Variants in SERPINF2 observed in about 807,000 individuals in gnomAD.
The protein encoded by SERPINF2 is alpha-2-antiplasmin.
SERPINF2 carries 15 observed loss-of-function variants against 45.0 expected under a neutral mutation model. The ratio of observed to expected loss-of-function variants is 0.33; its 90% CI spans 0.22 to 0.51. SERPINF2 has a LOEUF of 0.51. Among genes scored for constraint, SERPINF2 ranks in the 20% least tolerant of loss-of-function variants. The pLI, the probability that SERPINF2 is intolerant of heterozygous loss-of-function variation, is 0.97. For missense variants in SERPINF2, 518 were observed against 637.4 expected (o/e 0.81, Z 2.02); for synonymous variants, 283 against 277.9 (o/e 1.02, Z -0.18).
Position 1,747,006 on chromosome 17 carries a change from C to T in SERPINF2, c.368-13C>T, listed in dbSNP as rs537878287. 5.1e-5 allele frequency: 82 copies of T among 1,592,706 alleles called. No homozygotes were observed. The highest frequency in any genetic ancestry group is 4.4e-4 in the African/African-American group (33 of 74,914). ...ACCCGCAGCCGGGCCTCAGCCTGTG[C>T]GGTGCCCTCCAGGTGCTCAGAACCA... On this transcript the variant is annotated splice_polypyrimidine_tract_variant and intron_variant, in intron 5 of 9. Transcript: ENST00000453066.
At chr17:1,750,811 G>C (rs1906323043) in intron 8 of SERPINF2, among the ~76,000 whole-genome samples, 1 of 152,136 alleles carries the variant, frequency 6.6e-6, no homozygotes, top group Admixed American at 6.6e-5. Flanking sequence ...GGGGGCTGTG[G>C]GTGAGGCTGG....
intron 5 of SERPINF2, among the ~76,000 whole-genome samples, chr17:1,746,142 ACT>A (rs1326260043): frequency 6.6e-6 from 1 of 151,850 alleles, no homozygotes; most frequent in Non-Finnish European, 1.5e-5. Flanking sequence ...ACATGGTGAA[ACT>A]CTCTCTACTA....
intron 7 of SERPINF2, 74 bp from the exon 8 acceptor site, chr17:1,748,524 C>T (rs1359035401): frequency 4.4e-6 from 7 of 1,584,860 alleles, no homozygotes; most frequent in South Asian, 4.4e-5. Context: ...AGCTGGTCCC[C>T]ATCGACGTGA....
chr17:1,748,818 C>T, intron 8 of SERPINF2, 78 bp downstream of exon 8: 2 of 831,266 alleles, frequency 2.4e-6, no homozygotes, highest in Non-Finnish European at 4.2e-6. Flanking sequence ...GGAGCAGGCA[C>T]AGGGATGGGT....
chr17:1,752,320 T>C (rs2151196280), intron 8 of SERPINF2, among the ~76,000 whole-genome samples: 1 of 152,220 alleles, frequency 6.6e-6, no homozygotes, highest in South Asian at 2.1e-4. Context: ...CCTCCCAAAG[T>C]GCTAGGATTA....
Position 1,754,465 on chromosome 17 carries a change from T to G in SERPINF2, c.1407T>G (p.Leu469=), listed in dbSNP as rs775128832. ...AAGGCTTCCCCCGCGGAGACAAGCT[T>G]TTCGGCCCTGACTTAAAACTTGTGC... ...SLKGFPRGDK[L]FGPDLKLVPP... Residue 469 remains leucine (L), a synonymous_variant, in exon 10 of 10, where the codon CTT becomes CTG. Transcript: ENST00000453066. The G allele has an allele frequency of 2.1e-5, 34 of 1,608,004 alleles. 1 individual carries two copies. The Middle Eastern group carries it at 5.5e-3, about 259-fold the overall frequency.
At position 1,747,216 on chromosome 17, in the gene SERPINF2, G is replaced by A. The variant is rs1004414425; in HGVS notation, c.511+54G>A. The A allele has an allele frequency of 6.8e-6, 11 of 1,610,556 alleles. No homozygotes were observed. In the African/African-American group the frequency reaches 1.5e-4, roughly 21 times the overall value. On this transcript the variant is annotated intron_variant, in intron 6 of 9. Coordinates refer to ENST00000453066, the MANE Select transcript of SERPINF2 (RefSeq NM_000934.4). ...AGTCCTGCCCTGGGTGGAGGAGGGT[G>A]AGAGCAAGGGGCTGGGCCTCTGGTA... is the stretch of plus-strand genomic sequence containing the variant.
At position 1,754,565 on chromosome 17, in the gene SERPINF2, G is replaced by A. The variant is rs1906691411; in HGVS notation, c.*31G>A. On this transcript the variant is annotated 3_prime_UTR_variant, in exon 10 of 10. Coordinates refer to ENST00000453066, the MANE Select transcript of SERPINF2 (RefSeq NM_000934.4). Reference sequence around the variant, plus strand: ...CGTGGCTGTGGCATCCAGAGTCCCTGCCTGGACCAGCCTCTCCACTCATGT... The same window carrying A: ...CGTGGCTGTGGCATCCAGAGTCCCTACCTGGACCAGCCTCTCCACTCATGT... 1 of 1,594,438 alleles carries A rather than the reference G, an allele frequency of 6.3e-7. No individual in the cohort carries two copies. Among genetic ancestry groups the A allele is most frequent in the Non-Finnish European group, 8.5e-7 (1 of 1,176,698 alleles).
Position 1,745,431 on chromosome 17 carries a change from G to C in SERPINF2, c.165+36G>C, listed in dbSNP as rs747935258. On this transcript the variant is annotated intron_variant, in intron 4 of 9. Coordinates refer to ENST00000453066, the MANE Select transcript of SERPINF2 (RefSeq NM_000934.4). The surrounding 1 kb of genome is among the most constrained non-coding windows in gnomAD (Gnocchi z 6.2). ...GTGGGGCTGGGGAAGAGTGGGCGGG[G>C]CTAGAGGGAGGAGGGCCCATCGGCA... 1.3e-6 allele frequency: 2 copies of C among 1,589,272 alleles called. No homozygotes were observed. Among genetic ancestry groups the C allele is most frequent in the Non-Finnish European group, 1.7e-6 (2 of 1,162,764 alleles).
rs1323997371 is a variant in SERPINF2 at position 1,748,602 on chromosome 17, C to T, written c.720C>T (p.Phe240=). 2 of 1,613,582 alleles carry T rather than the reference C, an allele frequency of 1.2e-6. No individual in the cohort carries two copies. Among genetic ancestry groups the T allele is most frequent in the Non-Finnish European group, 1.7e-6 (2 of 1,180,048 alleles). The change falls in exon 8 of 10, where the codon TTC becomes TTT. Residue 240 remains phenylalanine (F), a synonymous_variant. Coordinates refer to ENST00000453066, the MANE Select transcript of SERPINF2 (RefSeq NM_000934.4). ...LLLNAIHFQG[F]WRNKFDPSLT... is the part of the protein sequence containing the mutation. Reference sequence around the variant, plus strand: ...CTGCCCTCTGCTGGGTTTCAGGTTTCTGGAGGAACAAGTTTGACCCGAGCC... The same window carrying T: ...CTGCCCTCTGCTGGGTTTCAGGTTTTTGGAGGAACAAGTTTGACCCGAGCC...
chr17:1,746,239 C>T (rs537955191), intron 5 of SERPINF2, among the ~76,000 whole-genome samples: 61 of 151,778 alleles, frequency 4.0e-4, no homozygotes, highest in Non-Finnish European at 8.1e-4. Context: ...ACTGTTTGAA[C>T]CTGGGAGTTG....
intron 8 of SERPINF2, among the ~76,000 whole-genome samples, chr17:1,749,522 C>T (rs550653963): frequency 1.3e-5 from 2 of 152,190 alleles, no homozygotes; most frequent in African/African-American, 4.8e-5. Context: ...CACTTGAACC[C>T]GGGAGACGGA....
intron 7 of SERPINF2, 25 bp downstream of exon 7, chr17:1,747,537 C>T: frequency 6.2e-7 from 1 of 1,609,066 alleles, no homozygotes; most frequent in African/African-American, 1.3e-5. Flanking sequence ...CTCTCAGATC[C>T]CCCACCCTGT....
At chr17:1,746,980 G>GACCC in intron 5 of SERPINF2, 39 bp from the exon 6 acceptor site, 2 of 1,595,616 alleles carry the variant, frequency 1.3e-6, no homozygotes, top group Non-Finnish European at 1.7e-6. Flanking sequence ...GGTGAGAAAG[G>GACCC]ACCCGCAGCC....
intron 8 of SERPINF2, among the ~76,000 whole-genome samples, chr17:1,749,977 CT>C (rs57705772): frequency 0.23 from 33,274 of 144,360 alleles, 3,607 homozygotes; most frequent in African/African-American, 0.27. Flanking sequence ...GGATAAACTT[CT>C]TTTTTTTTTT....
chr17:1,754,572 C>G lies in SERPINF2; in HGVS notation c.*38C>G. The G allele has an allele frequency of 6.3e-7, 1 of 1,592,666 alleles. No individual in the cohort carries two copies. Among genetic ancestry groups the G allele is most frequent in the Non-Finnish European group, 8.5e-7 (1 of 1,175,898 alleles). ...GTGGCATCCAGAGTCCCTGCCTGGA[C>G]CAGCCTCTCCACTCATGTGACTCTT... On this transcript the variant is annotated 3_prime_UTR_variant, in exon 10 of 10. Coordinates refer to ENST00000453066, the MANE Select transcript of SERPINF2 (RefSeq NM_000934.4).
chr17:1,754,353 G>C lies in SERPINF2; in HGVS notation c.1295G>C (p.Ser432Thr). Residue 432 changes from serine to threonine, a missense_variant, in exon 10 of 10, where the codon AGC becomes ACC. Ser to Thr is a moderately conservative substitution (Grantham distance 58). This residue lies in a region of SERPINF2 where 435 missense variants were observed against 577.3 expected (regional missense o/e 0.75). Coordinates refer to ENST00000453066, the MANE Select transcript of SERPINF2 (RefSeq NM_000934.4). ...ACAGGCCTTCCCCTCTTCGTGGGCA[G>C]CGTGAGGAACCCCAACCCCAGTGCA... is the stretch of plus-strand genomic sequence containing the variant. The part of the protein sequence containing the change: ...DTTGLPLFVG[S>T]VRNPNPSAPR... The C allele has an allele frequency of 6.2e-7, 1 of 1,614,194 alleles. No homozygotes were observed. The highest frequency in any genetic ancestry group is 8.5e-7 in the Non-Finnish European group (1 of 1,180,036).
Position 1,751,730 on chromosome 17 carries a change from G to A in SERPINF2, c.859-856G>A, listed in dbSNP as rs181638329. 1.4e-5 allele frequency among the ~76,000 whole-genome samples: 2 copies of A among 138,430 alleles called. 1 individual carries two copies. Among genetic ancestry groups the A allele is most frequent in the Non-Finnish European group, 3.3e-5 (2 of 61,044 alleles). The allele number at this position is 138,430 out of a possible 152,430, so 90.8% of individuals were successfully genotyped here. A position where few individuals can be genotyped will look rare whatever the true frequency, so the allele number is the denominator to read the frequency against. On this transcript the variant is annotated intron_variant, in intron 8 of 9. Transcript: ENST00000453066. ...GATTGCGCCACTGCACTCCAGCCTGGGCGACAGTGCGAGACTCCAACTCAA... is the reference window on the plus strand; with the variant it reads ...GATTGCGCCACTGCACTCCAGCCTGAGCGACAGTGCGAGACTCCAACTCAA...
In SERPINF2 at chr17:1,745,362, G is replaced by A; in HGVS notation, c.132G>A (p.Val44=). ...QLTSGPNQEQ[V]SPLTLLKLGN... ...CTAGCGGGCCGAACCAGGAGCAGGT[G>A]TCCCCACTTACCCTCCTCAAGTTGG... The change falls in exon 4 of 10, where the codon GTG becomes GTA. Residue 44 remains valine (V), a synonymous_variant. Transcript: ENST00000453066. The surrounding 1 kb of genome is among the most constrained non-coding windows in gnomAD (Gnocchi z 6.2). 1 of 1,612,410 alleles carries A rather than the reference G, an allele frequency of 6.2e-7. No homozygotes were observed. The highest frequency in any genetic ancestry group is 1.1e-5 in the South Asian group (1 of 91,044).
Sources: gnomAD v4.1 joint callset for allele counts (sites outside exome capture counted in the v4.1 genomes callset) on GRCh38, gnomAD v4.1.1 for gene constraint, gnomAD v4.1.1 regional missense constraint, Gnocchi (gnomAD v3.1) non-coding constraint, MANE v1.5 for transcripts, NCBI Gene and HGNC (gene_info 2026-07-23, HGNC 2026-07-21) for gene names.